The following CDIP1 variants were observed in gnomAD, a reference collection of about 807,000 sequenced individuals.
CDIP1 encodes cell death-inducing p53-target protein 1.
A neutral mutation model predicts 17.7 loss-of-function variants in CDIP1; 9 were observed. The ratio of observed to expected loss-of-function variants is 0.51; its 90% confidence interval spans 0.31 to 0.89. The LOEUF (loss-of-function observed/expected upper bound fraction) is 0.89, where lower values mean the gene tolerates loss of function less well. Among genes scored for constraint, CDIP1 ranks in the 40% least tolerant of loss-of-function variants. The probability of loss-of-function intolerance (pLI) is 0.05; values close to 1 mark genes in which losing one functional copy is unlikely to be tolerated. For missense variants in CDIP1, 263 were observed against 277.9 expected (o/e 0.95, Z 0.38); for synonymous variants, 117 against 109.5 (o/e 1.07, Z -0.43).
Position 4,512,582 on chromosome 16 carries a change from C to A in CDIP1, c.617G>T (p.Arg206Leu). The stretch of plus-strand genomic sequence containing the variant: ...CGAGTCCCAGCTCCGTTAGCACAGG[C>A]GCTTGTACGTGTAGATGTAGGCTTT... ...SCKAYIYTYK[R>L]LC is the part of the protein sequence containing the mutation. The change falls in exon 6 of 6, where the codon CGC (arginine) becomes CTC (leucine). Residue 206 changes from arginine to leucine, a missense_variant. Coordinates refer to ENST00000567695, the MANE Select transcript of CDIP1 (RefSeq NM_013399.3). This position sits in a 1 kb window ranked among gnomAD's most constrained non-coding sequence, Gnocchi z 4.6. 6.2e-7 allele frequency: 1 copy of A among 1,612,936 alleles called. No homozygotes were observed. The highest frequency in any genetic ancestry group is 8.5e-7 in the Non-Finnish European group (1 of 1,178,976).
intron 1 of CDIP1, among the ~76,000 whole-genome samples, chr16:4,532,040 G>C (rs1351511245): frequency 6.6e-6 from 1 of 152,238 alleles, no homozygotes; most frequent in Non-Finnish European, 1.5e-5. Context: ...TTAGAGGACA[G>C]TTTGACTTAT....
intron 1 of CDIP1, among the ~76,000 whole-genome samples, chr16:4,537,647 A>C (rs2059122693): frequency 6.6e-6 from 1 of 152,180 alleles, no homozygotes; most frequent in Non-Finnish European, 1.5e-5. Context: ...GAGCCTACTA[A>C]ATGCAGATTC....
rs1254839229 is a variant in CDIP1 at position 4,512,507 on chromosome 16, G to A, written c.*65C>T. ...AAGTGGGAGCGGGAAAGTGACCACT[G>A]AGCACAGGGAGCAAAGCACAGGGGG... On this transcript the variant is annotated 3_prime_UTR_variant, in exon 6 of 6. Coordinates refer to ENST00000567695, the MANE Select transcript of CDIP1 (RefSeq NM_013399.3). This position sits in a 1 kb window ranked among gnomAD's most constrained non-coding sequence, Gnocchi z 4.6. 1.7e-6 allele frequency: 2 copies of A among 1,187,490 alleles called. No homozygotes were observed. The highest frequency in any genetic ancestry group is 1.7e-5 in the Admixed American group (1 of 57,682). 73.6% of individuals were successfully genotyped at this position (1,187,490 alleles called of 1,614,324 possible).
chr16:4,538,641 C>G (rs2059138195), intron 1 of CDIP1, 61 bp downstream of exon 1: 1 of 152,288 alleles, frequency 6.6e-6, no homozygotes, highest in African/African-American at 2.4e-5. Context: ...CGCCCAGACC[C>G]TTCCCCCGGG....
chr16:4,535,013 C>T (rs893134429), intron 1 of CDIP1, among the ~76,000 whole-genome samples: 3 of 152,102 alleles, frequency 2.0e-5, no homozygotes, highest in Non-Finnish European at 4.4e-5. Flanking sequence ...CCACAGCACC[C>T]GGCCTGCATG....
chr16:4,527,024 C>T (rs1333643235), intron 1 of CDIP1, among the ~76,000 whole-genome samples: 1 of 151,552 alleles, frequency 6.6e-6, no homozygotes, highest in African/African-American at 2.4e-5. Context: ...GTGAAGAGCA[C>T]ACCACTGAAG....
intron 1 of CDIP1, among the ~76,000 whole-genome samples, chr16:4,536,011 G>A (rs1217272799): frequency 1.3e-5 from 2 of 152,160 alleles, no homozygotes; most frequent in African/African-American, 4.8e-5. Context: ...ACCACTGCCG[G>A]CCTGGCTCTC....
At position 4,513,800 on chromosome 16, in the gene CDIP1, G is replaced by A. The variant is rs750263831; in HGVS notation, c.137C>T (p.Pro46Leu). The A allele has an allele frequency of 8.1e-6, 13 of 1,601,980 alleles. No homozygotes were observed. The South Asian group carries it at 1.4e-4, about 18-fold the overall frequency. Residue 46 changes from proline to leucine, a missense_variant, in exon 4 of 6, where the codon CCT (proline) becomes CTT (leucine). Transcript: ENST00000567695. This position sits in a 1 kb window ranked among gnomAD's most constrained non-coding sequence, Gnocchi z 4.1. ...MQPPPGMPLP[P>L]ADIGPPPYEP... is the part of the protein sequence containing the mutation. Reference sequence around the variant, plus strand: ...ATAGGGTGGGGGGCCAATGTCCGCAGGGGGCAGTGGCATGCCTGGAGGGGG... The same window carrying A: ...ATAGGGTGGGGGGCCAATGTCCGCAAGGGGCAGTGGCATGCCTGGAGGGGG...
At chr16:4,531,427 T>C (rs1475180515) in intron 1 of CDIP1, among the ~76,000 whole-genome samples, 3 of 152,056 alleles carry the variant, frequency 2.0e-5, no homozygotes, top group African/African-American at 7.2e-5. Flanking sequence ...CCCAAAGTGC[T>C]AAGATTATAG....
chr16:4,518,306 T>A (rs1225707743), intron 1 of CDIP1, among the ~76,000 whole-genome samples: 1 of 152,220 alleles, frequency 6.6e-6, no homozygotes, highest in Non-Finnish European at 1.5e-5. Flanking sequence ...CATACAGCCT[T>A]GCCCATGATG....
At chr16:4,529,318 G>C (rs972076204) in intron 1 of CDIP1, among the ~76,000 whole-genome samples, 6 of 152,208 alleles carry the variant, frequency 3.9e-5, no homozygotes, top group African/African-American at 1.4e-4. Context: ...ACCAAAGAGG[G>C]CTGGTAAGAA....
chr16:4,526,156 C>T (rs936860112), intron 1 of CDIP1, among the ~76,000 whole-genome samples: 8 of 152,120 alleles, frequency 5.3e-5, no homozygotes, highest in African/African-American at 1.9e-4. Flanking sequence ...CCTGTAATTA[C>T]GGCACTTTGG....
intron 1 of CDIP1, among the ~76,000 whole-genome samples, chr16:4,526,069 C>T (rs1418091526): frequency 6.6e-6 from 1 of 152,174 alleles, no homozygotes; most frequent in Non-Finnish European, 1.5e-5. Flanking sequence ...TCCCACCCAA[C>T]CCTACATGCT....
intron 1 of CDIP1, among the ~76,000 whole-genome samples, chr16:4,530,939 C>G (rs1357830442): frequency 1.3e-5 from 2 of 152,116 alleles, no homozygotes; most frequent in Non-Finnish European, 2.9e-5. Context: ...ACATCTGGCC[C>G]TGAGTTCACT....
chr16:4,527,481 G>A (rs1294617097), intron 1 of CDIP1, among the ~76,000 whole-genome samples: 1 of 152,188 alleles, frequency 6.6e-6, no homozygotes, highest in Non-Finnish European at 1.5e-5. Context: ...TAGGAACTAT[G>A]ATGATGACAA....
Position 4,513,027 on chromosome 16 carries a change from G to A in CDIP1, c.279C>T (p.Gly93=). 3.1e-6 allele frequency: 5 copies of A among 1,594,430 alleles called. No individual in the cohort carries two copies. The highest frequency in any genetic ancestry group is 3.4e-6 in the Non-Finnish European group (4 of 1,172,610). ...GCGTGTAGGGCCCTGGGGGGTAGTAGCCCATGGGTGGGTGGGGGCCTGGAG... is the reference window on the plus strand; with the variant it reads ...GCGTGTAGGGCCCTGGGGGGTAGTAACCCATGGGTGGGTGGGGGCCTGGAG... The part of the protein sequence containing the change: ...YPPPGPHPPM[G]YYPPGPYTPG... Residue 93 remains glycine, a synonymous_variant, in exon 5 of 6, where the codon GGC becomes GGT. Transcript: ENST00000567695. The surrounding 1 kb of genome is among the most constrained non-coding windows in gnomAD (Gnocchi z 4.1).
At chr16:4,518,235 A>G (rs983490525) in intron 1 of CDIP1, among the ~76,000 whole-genome samples, 2 of 152,184 alleles carry the variant, frequency 1.3e-5, no homozygotes, top group Non-Finnish European at 2.9e-5. Flanking sequence ...CTTTTCATCA[A>G]AGTCAACAGA....
At chr16:4,528,880 T>C (rs1352864098) in intron 1 of CDIP1, among the ~76,000 whole-genome samples, 9 of 151,904 alleles carry the variant, frequency 5.9e-5, no homozygotes, top group East Asian at 1.9e-4. Flanking sequence ...TTCCAGCTAC[T>C]TGGGAGGCTG....
Position 4,521,065 on chromosome 16 carries a change from C to T in CDIP1, c.-104-6401G>A, listed in dbSNP as rs527249653. Among the ~76,000 whole-genome samples, 3 of 149,288 alleles carry T rather than the reference C, an allele frequency of 2.0e-5. No individual in the cohort carries two copies. In the East Asian group the frequency reaches 6.0e-4, roughly 30 times the overall value. Reference sequence around the variant, plus strand: ...CAGGACTTAATAAAGTTGATTTTTACTGCTTTTTCTGATGCAACACTGGTG... The same window carrying T: ...CAGGACTTAATAAAGTTGATTTTTATTGCTTTTTCTGATGCAACACTGGTG... On this transcript the variant is annotated intron_variant, in intron 1 of 5. Transcript: ENST00000567695.
Sources: gnomAD v4.1 joint callset for allele counts (sites outside exome capture counted in the v4.1 genomes callset) on GRCh38, gnomAD v4.1.1 for gene constraint, Gnocchi (gnomAD v3.1) non-coding constraint, MANE v1.5 for transcripts, NCBI Gene and HGNC (gene_info 2026-07-23, HGNC 2026-07-21) for gene names.